The following ZNF883 variants were observed in gnomAD, a reference collection of about 807,000 sequenced individuals.
ZNF883 encodes zinc finger protein 883.
chr9:112,996,988 A>G (rs1344406087), downstream of ZNF883: 2 of 816,816 alleles, frequency 2.4e-6, no homozygotes, highest in African/African-American at 3.4e-5. Context: ...TCTTCTCAGT[A>G]CAAATAGCAT....
upstream of ZNF883, among the ~76,000 whole-genome samples, chr9:112,999,502 C>T (rs1449585897): frequency 1.3e-5 from 2 of 152,136 alleles, no homozygotes; most frequent in African/African-American, 4.8e-5. Context: ...AGTTAAAGGG[C>T]TCAGTCCCAC....
rs752052758 is a variant in ZNF883, at chr9:113,009,982, T to C, written n.165+1159A>G. Among the ~76,000 whole-genome samples the C allele has an allele frequency of 6.2e-4, 95 of 152,362 alleles. 1 individual carries two copies. The highest frequency in any genetic ancestry group is 1.3e-3 in the Non-Finnish European group (90 of 68,034). On this transcript the variant is annotated intron_variant and non_coding_transcript_variant, in intron 2 of 4. Transcript: ENST00000638622. ...GTGAATTAGTACATTTTTGAATTAA[T>C]ATTTTCAACTTACACATTTACTGGA...
At chr9:112,998,322 T>C, upstream of ZNF883, 5 of 1,300,654 alleles carry the variant, frequency 3.8e-6, no homozygotes, top group South Asian at 9.3e-5. Context: ...GTAATAGGTG[T>C]TGGCTTTTCA....
At chr9:113,005,654 T>C (rs950656098) in intron 2 of ZNF883, among the ~76,000 whole-genome samples, 8 of 152,212 alleles carry the variant, frequency 5.3e-5, no homozygotes, top group Non-Finnish European at 1.0e-4. Context: ...ACATTGTTAA[T>C]AATAGTTATA....
At chr9:113,011,858 A>C (rs899789469) in intron 1 of ZNF883, among the ~76,000 whole-genome samples, 3 of 152,052 alleles carry the variant, frequency 2.0e-5, no homozygotes, top group African/African-American at 7.2e-5. Flanking sequence ...CTCTGTTCTC[A>C]TGACTCTCCA....
At chr9:112,997,910 C>A (rs185997453) in exon 1 of ZNF883, 2 of 1,613,808 alleles carry the variant, frequency 1.2e-6, no homozygotes, top group Non-Finnish European at 1.7e-6. Flanking sequence ...AGTATGGATT[C>A]TCTCATGATT....
At chr9:113,010,514 A>T (rs1157219071) in intron 2 of ZNF883, among the ~76,000 whole-genome samples, 1 of 152,234 alleles carries the variant, frequency 6.6e-6, no homozygotes, top group Non-Finnish European at 1.5e-5. Flanking sequence ...ACTATTGTTC[A>T]TAACAATGTA....
chr9:112,996,910 T>A (rs1389999998), downstream of ZNF883, among the ~76,000 whole-genome samples: 1 of 152,094 alleles, frequency 6.6e-6, no homozygotes, highest in African/African-American at 2.4e-5. Context: ...AACCTCAGTT[T>A]TGGATGAACA....
chr9:113,004,479 G>C (rs548644935), intron 2 of ZNF883, among the ~76,000 whole-genome samples: 23 of 152,136 alleles, frequency 1.5e-4, no homozygotes, highest in African/African-American at 5.1e-4. Flanking sequence ...CCTTTGGGAG[G>C]TAATTAGGTC....
downstream of ZNF883, chr9:112,996,973 G>C: frequency 1.5e-6 from 1 of 670,168 alleles, no homozygotes; most frequent in Non-Finnish European, 2.3e-6. Context: ...TATAAGCATA[G>C]TCCTTCTTCT....
chr9:112,999,280 G>A (rs1828398241), upstream of ZNF883: 1 of 152,070 alleles, frequency 6.6e-6, no homozygotes, highest in South Asian at 2.1e-4. Context: ...TATATGTCTG[G>A]AAAACAGTTT....
At chr9:112,997,596 G>A (rs768382304) in exon 1 of ZNF883, 3 of 1,613,804 alleles carry the variant, frequency 1.9e-6, no homozygotes, top group East Asian at 4.5e-5. Flanking sequence ...ATGAAGGCTG[G>A]GGTATGGCTG....
At chr9:113,006,874 T>C (rs938816443) in intron 2 of ZNF883, among the ~76,000 whole-genome samples, 1 of 147,338 alleles carries the variant, frequency 6.8e-6, no homozygotes. Flanking sequence ...TTTATCTTTC[T>C]GAGCAAAGAC....
intron 2 of ZNF883, among the ~76,000 whole-genome samples, chr9:113,010,734 T>A (rs555629222): frequency 6.6e-6 from 1 of 152,270 alleles, no homozygotes; most frequent in Non-Finnish European, 1.5e-5. Context: ...ACACCTGTAA[T>A]CCCAGCACTT....
At chr9:112,991,040 T>G (rs890874614) in intron 1 of ZNF883, among the ~76,000 whole-genome samples, 1 of 152,114 alleles carries the variant, frequency 6.6e-6, no homozygotes, top group African/African-American at 2.4e-5. Context: ...TTTATTAGTT[T>G]TTTCAAAAAC....
chr9:112,997,434 G>A (rs749880472), exon 1 of ZNF883: 22 of 1,613,846 alleles, frequency 1.4e-5, no homozygotes, highest in Middle Eastern at 1.6e-4. Context: ...TGTGTACTTC[G>A]ACTGAAGGTT....
downstream of ZNF883, among the ~76,000 whole-genome samples, chr9:112,995,954 T>C (rs1244138821): frequency 6.6e-6 from 1 of 152,180 alleles, no homozygotes; most frequent in East Asian, 1.9e-4. Flanking sequence ...AACTATTTCA[T>C]TGAGGTGTGG....
At chr9:113,005,717 A>G (rs1233905326) in intron 2 of ZNF883, among the ~76,000 whole-genome samples, 1 of 152,184 alleles carries the variant, frequency 6.6e-6, no homozygotes, top group Non-Finnish European at 1.5e-5. Flanking sequence ...TCACTACATC[A>G]TTACATTCAT....
intron 2 of ZNF883, among the ~76,000 whole-genome samples, chr9:113,010,333 TGA>T (rs1828519998): frequency 6.6e-6 from 1 of 152,160 alleles, no homozygotes; most frequent in Non-Finnish European, 1.5e-5. Context: ...AAGGTAAGAG[TGA>T]GATGGGAGAA....
Sources: gnomAD v4.1 joint callset for allele counts (sites outside exome capture counted in the v4.1 genomes callset) on GRCh38, gnomAD v4.1.1 for gene constraint, MANE v1.5 for transcripts, NCBI Gene and HGNC (gene_info 2026-07-23, HGNC 2026-07-21) for gene names.